The following SMIM23 variants were observed in gnomAD, a reference collection of about 807,000 sequenced individuals.
SMIM23 encodes CTB-78H18.1.
A neutral mutation model predicts 12.8 loss-of-function variants in SMIM23; 10 were observed. The ratio of observed to expected loss-of-function variants is 0.78; its 90% CI spans 0.48 to 1.32. The LOEUF is 1.32. Ranked by LOEUF, SMIM23 falls within the 40% of genes most tolerant of loss-of-function variation. The probability of loss-of-function intolerance (pLI) is 0.00; values close to 1 mark genes in which losing one functional copy is unlikely to be tolerated. For synonymous variants in SMIM23, 78 were observed against 80.1 expected, an observed-to-expected ratio of 0.97 and a Z score of 0.14; for missense variants, 184 against 198.2, an observed-to-expected ratio of 0.93 and a Z score of 0.43.
At chr5:171,790,192 C>T in intron 1 of SMIM23, 38 bp from the exon 2 acceptor site, 1 of 1,531,832 alleles carries the variant, frequency 6.5e-7, no homozygotes, top group Non-Finnish European at 8.7e-7. Context: ...AGAATTCATC[C>T]TCATGTTCTT....
rs7718767 is a variant in SMIM23, at chr5:171,791,134, G to A, written c.*46G>A. On this transcript the variant is annotated 3_prime_UTR_variant, in exon 4 of 4. Transcript: ENST00000523047. Reference sequence around the variant, plus strand: ...CAAGAAAATAAAGTAGTTGGGAAATGAAGTCCGCTGTTCACATTCATGAAT... The same window carrying A: ...CAAGAAAATAAAGTAGTTGGGAAATAAAGTCCGCTGTTCACATTCATGAAT... 0.4 allele frequency: 576,999 copies of A among 1,437,876 alleles called. 118,920 individuals carry two copies. Among genetic ancestry groups the A allele is most frequent in the East Asian group, 0.47 (18,997 of 40,120 alleles). The allele number at this position is 1,437,876 out of a possible 1,614,324, so 89.1% of individuals were successfully genotyped here. A position where few individuals can be genotyped will look rare whatever the true frequency, so the allele number is the denominator to read the frequency against.
intron 1 of SMIM23, 107 bp from the exon 2 acceptor site, chr5:171,790,123 A>C: frequency 2.7e-6 from 3 of 1,110,452 alleles, no homozygotes; most frequent in Admixed American, 2.2e-5. Context: ...AACTCAAAAA[A>C]CTGTCTTATA....
chr5:171,782,232 C>T (rs1434162125), upstream of SMIM23, among the ~76,000 whole-genome samples: 1 of 152,180 alleles, frequency 6.6e-6, no homozygotes, highest in Non-Finnish European at 1.5e-5. Context: ...CACAGAAGGA[C>T]AGGAGGGAAG....
intron 3 of SMIM23, 81 bp downstream of exon 3, chr5:171,790,630 G>A: frequency 7.0e-7 from 1 of 1,427,692 alleles, no homozygotes; most frequent in East Asian, 2.5e-5. Flanking sequence ...CATGGGTCAT[G>A]AAAGATAAGT....
chr5:171,790,343 C>T, intron 2 of SMIM23, 62 bp downstream of exon 2: 2 of 1,525,882 alleles, frequency 1.3e-6, no homozygotes, highest in Non-Finnish European at 1.8e-6. Context: ...GTGGAGTGTT[C>T]CAAAGATGGT....
the SMIM23 span, among the ~76,000 whole-genome samples, chr5:171,776,268 G>T: frequency 3.9e-5 from 6 of 152,008 alleles, no homozygotes; most frequent in South Asian, 2.1e-4. Flanking sequence ...CGGGGGAGGG[G>T]GGGTTGGGGT....
intron 1 of SMIM23, among the ~76,000 whole-genome samples, chr5:171,786,975 C>A (rs1755829986): frequency 6.7e-6 from 1 of 148,376 alleles, no homozygotes; most frequent in Admixed American, 6.7e-5. Context: ...GCATTTCCCA[C>A]CTTGATTCTA....
intron 2 of SMIM23, 88 bp downstream of exon 2, chr5:171,790,369 C>T (rs1191752370): frequency 6.7e-7 from 1 of 1,491,742 alleles, no homozygotes; most frequent in African/African-American, 1.4e-5. Context: ...GTTAAGGGGA[C>T]CTCCATAACC....
At chr5:171,790,747 G>A (rs756037463) in intron 3 of SMIM23, 48 bp from the exon 4 acceptor site, 30 of 1,530,904 alleles carry the variant, frequency 2.0e-5, no homozygotes, top group Non-Finnish European at 2.5e-5. Flanking sequence ...GGGGAGGAGG[G>A]TCCTATCTGA....
At chr5:171,777,616 C>G (rs1178020292), upstream of SMIM23, among the ~76,000 whole-genome samples, 2 of 152,228 alleles carry the variant, frequency 1.3e-5, no homozygotes, top group Non-Finnish European at 2.9e-5. Flanking sequence ...TGAGCTTCTA[C>G]TCAGTGGCAG....
upstream of SMIM23, among the ~76,000 whole-genome samples, chr5:171,780,868 A>G (rs1178182685): frequency 6.6e-6 from 1 of 152,148 alleles, no homozygotes; most frequent in African/African-American, 2.4e-5. Context: ...AACGGCCACC[A>G]AGAGCCAGGG....
rs1286323494 is a variant in SMIM23, at chr5:171,790,286, G to T, written c.157+5G>T. The T allele has an allele frequency of 6.5e-7, 1 of 1,535,956 alleles. No homozygotes were observed. The highest frequency in any genetic ancestry group is 8.7e-7 in the Non-Finnish European group (1 of 1,146,874). On this transcript the variant is annotated splice_donor_5th_base_variant and intron_variant, in intron 2 of 3. Transcript: ENST00000523047. ...ACTTGAGCACAGAGATATGGGGTGAGCATTCTGGAATCTGAGAAAGAAGGA... is the reference window on the plus strand; with the variant it reads ...ACTTGAGCACAGAGATATGGGGTGATCATTCTGGAATCTGAGAAAGAAGGA...
At chr5:171,790,416 A>C (rs999925359) in intron 2 of SMIM23, 66 bp from the exon 3 acceptor site, 3 of 1,523,684 alleles carry the variant, frequency 2.0e-6, no homozygotes, top group Non-Finnish European at 2.6e-6. Flanking sequence ...CACTGGGATA[A>C]CTAACCATGT....
chr5:171,781,564 T>C (rs889620710), upstream of SMIM23, among the ~76,000 whole-genome samples: 5 of 151,888 alleles, frequency 3.3e-5, no homozygotes, highest in Non-Finnish European at 7.4e-5. Flanking sequence ...GAGCTGTTTT[T>C]CTTTCTCCCT....
intron 1 of SMIM23, among the ~76,000 whole-genome samples, chr5:171,787,004 CTTTTTTTTTTTTTTTTTTT>C (rs202159150): frequency 5.6e-5 from 4 of 71,294 alleles, no homozygotes; most frequent in South Asian, 1.1e-3. Context: ...CCATTGTTTC[CTTTTTTTTTTTTTTTTTTT>C]TTTTTTTTTT....
At chr5:171,780,664 G>A (rs1475458830), upstream of SMIM23, among the ~76,000 whole-genome samples, 55 of 152,058 alleles carry the variant, frequency 3.6e-4, no homozygotes, top group Admixed American at 3.6e-3. Context: ...CATTTCAAAT[G>A]TGTCCACCAG....
In SMIM23 at chr5:171,790,544, C is replaced by T; in HGVS notation, c.220C>T (p.Pro74Ser). 1.3e-6 allele frequency: 2 copies of T among 1,536,550 alleles called. No individual in the cohort carries two copies. Among genetic ancestry groups the T allele is most frequent in the Non-Finnish European group, 1.7e-6 (2 of 1,146,944 alleles). The change falls in exon 3 of 4, where the codon CCC (proline) becomes TCC (serine). Residue 74 changes from proline (P) to serine (S), a missense_variant. Coordinates refer to ENST00000523047, the MANE Select transcript of SMIM23 (RefSeq NM_001289970.2). ...ECNYYQNLAVPQGLEYQTNEP... is the reference protein window; with the variant it reads ...ECNYYQNLAVSQGLEYQTNEP... Reference sequence around the variant, plus strand: ...TAACTACTACCAGAATCTTGCAGTTCCCCAGGTAACATGTCCAGCAAGGTA... The same window carrying T: ...TAACTACTACCAGAATCTTGCAGTTTCCCAGGTAACATGTCCAGCAAGGTA...
At chr5:171,777,712 G>C (rs988359833), upstream of SMIM23, among the ~76,000 whole-genome samples, 3 of 152,232 alleles carry the variant, frequency 2.0e-5, no homozygotes, top group Non-Finnish European at 4.4e-5. Flanking sequence ...ACATCCCCCA[G>C]CCTCTCAGAA....
chr5:171,787,044 G>A lies in SMIM23; in HGVS notation c.105+1068G>A, dbSNP rs1362772104. Among the ~76,000 whole-genome samples the A allele has an allele frequency of 9.2e-5, 11 of 120,034 alleles. No homozygotes were observed. In the East Asian group the frequency reaches 2.6e-3, roughly 28 times the overall value. 78.7% of individuals were successfully genotyped at this position (120,034 alleles called of 152,430 possible). ...TTTTTTTTTTTTTTTTTTCTGAGAC[G>A]GAGCCTCGCTCTGTCACCAGGCTGG... On this transcript the variant is annotated intron_variant, in intron 1 of 3. Coordinates refer to ENST00000523047, the MANE Select transcript of SMIM23 (RefSeq NM_001289970.2).
Sources: gnomAD v4.1 joint callset for allele counts (sites outside exome capture counted in the v4.1 genomes callset) on GRCh38, gnomAD v4.1.1 for gene constraint, MANE v1.5 for transcripts, NCBI Gene and HGNC (gene_info 2026-07-23, HGNC 2026-07-21) for gene names.